Variants in CRADD observed in about 807,000 individuals in gnomAD.
CRADD encodes the protein CARD and death domain containing adaptor protein.
Under a neutral mutation model 15.5 loss-of-function variants are expected in CRADD, and 9 were observed. The ratio of observed to expected loss-of-function variants is 0.58; its 90% CI spans 0.35 to 1.01. CRADD has a LOEUF of 1.01. CRADD is among the 50% of genes least tolerant of loss of function. The pLI is 0.02. For missense variants in CRADD, 227 were observed against 250.3 expected (o/e 0.91, Z 0.63); for synonymous variants, 118 against 107.6 (o/e 1.10, Z -0.60).
chr12:93,878,218 A>G (rs1009732564), intron 2 of CRADD, among the ~76,000 whole-genome samples: 5 of 152,186 alleles, frequency 3.3e-5, no homozygotes. Flanking sequence ...CGAGTCTGCA[A>G]GAACCACAGT....
At chr12:93,875,495 G>A (rs528002520) in intron 2 of CRADD, among the ~76,000 whole-genome samples, 170 of 151,886 alleles carry the variant, frequency 1.1e-3, no homozygotes, top group Non-Finnish European at 1.9e-3. Flanking sequence ...TTTCCTTCCT[G>A]TCTTCCTTTA....
At position 93,678,801 on chromosome 12, in the gene CRADD, C is replaced by T. The variant is rs374150855; in HGVS notation, c.27C>T (p.Leu9=). 25 of 1,613,812 alleles carry T rather than the reference C, an allele frequency of 1.5e-5. No individual in the cohort carries two copies. Among genetic ancestry groups the T allele is most frequent in the Admixed American group, 1.2e-4 (7 of 60,002 alleles). ...TGGAGGCCAGAGACAAACAAGTACT[C>T]CGCTCACTTCGCCTGGAGCTGGGTG... MEARDKQV[L]RSLRLELGAE... is the part of the protein sequence containing the mutation. The change falls in exon 2 of 3, where the codon CTC becomes CTT. Residue 9 remains leucine (L), a synonymous_variant. Transcript: ENST00000332896.
chr12:93,720,938 T>C (rs1956250203), intron 2 of CRADD, among the ~76,000 whole-genome samples: 1 of 152,248 alleles, frequency 6.6e-6, no homozygotes, highest in Non-Finnish European at 1.5e-5. Context: ...TATAGTTGGA[T>C]ACCTACCATA....
intron 2 of CRADD, among the ~76,000 whole-genome samples, chr12:93,735,113 G>A (rs941360744): frequency 5.9e-5 from 9 of 152,210 alleles, no homozygotes; most frequent in South Asian, 4.2e-4. Context: ...CTAGCACTGG[G>A]CCTCCTGTAG....
intron 2 of CRADD, among the ~76,000 whole-genome samples, chr12:93,768,913 G>A (rs192592544): frequency 3.0e-4 from 45 of 152,124 alleles, no homozygotes; most frequent in East Asian, 1.9e-4. Flanking sequence ...TAAATGAAAT[G>A]TCTGTAGTTT....
chr12:93,738,678 G>A, intron 2 of CRADD: 1 of 473,136 alleles, frequency 2.1e-6, no homozygotes, highest in East Asian at 3.4e-5. Flanking sequence ...TCAACCTCCT[G>A]TTTTATTCTC....
At chr12:93,878,809 GT>G (rs1593058426) in intron 2 of CRADD, among the ~76,000 whole-genome samples, 1 of 152,124 alleles carries the variant, frequency 6.6e-6, no homozygotes, top group African/African-American at 2.4e-5. Context: ...ATTCAAGACT[GT>G]TTTTTCTATC....
intron 2 of CRADD, among the ~76,000 whole-genome samples, chr12:93,799,986 C>T (rs1957459425): frequency 1.3e-5 from 2 of 152,220 alleles, no homozygotes; most frequent in Admixed American, 6.5e-5. Context: ...ATTTGGGATA[C>T]ACTGTATTAG....
At chr12:93,781,609 C>A (rs1489966115) in intron 2 of CRADD, among the ~76,000 whole-genome samples, 2 of 152,210 alleles carry the variant, frequency 1.3e-5, no homozygotes, top group Non-Finnish European at 2.9e-5. Flanking sequence ...GTTAGTTATG[C>A]TCCTCCAATG....
At chr12:93,787,345 T>G (rs1957291578) in intron 2 of CRADD, among the ~76,000 whole-genome samples, 1 of 145,632 alleles carries the variant, frequency 6.9e-6, no homozygotes, top group South Asian at 2.1e-4. Flanking sequence ...TCACATCAAC[T>G]GATTGTAGAG....
At position 93,849,882 on chromosome 12, in the gene CRADD, C is replaced by G. The variant is rs1958189020; in HGVS notation, c.299-88C>G. The G allele has an allele frequency of 4.9e-6, 4 of 814,728 alleles. No individual in the cohort carries two copies. In the Admixed American group the frequency reaches 8.2e-5, roughly 17 times the overall value. The allele number at this position is 814,728 out of a possible 1,614,324, so 50.5% of individuals were successfully genotyped here. A position where few individuals can be genotyped will look rare whatever the true frequency, so the allele number is the denominator to read the frequency against. On this transcript the variant is annotated intron_variant, in intron 2 of 2. Transcript: ENST00000332896. ...TGGCTCTGCCATTTGGAAGCATTGCCTTCTTCTCCCCACGATTCTCATTTC... is the reference window on the plus strand; with the variant it reads ...TGGCTCTGCCATTTGGAAGCATTGCGTTCTTCTCCCCACGATTCTCATTTC...
chr12:93,868,686 G>GCACACACA (rs570970896), intron 2 of CRADD, among the ~76,000 whole-genome samples: 37 of 142,916 alleles, frequency 2.6e-4, no homozygotes, highest in African/African-American at 8.2e-4. Flanking sequence ...TCTCTCTCTT[G>GCACACACA]CACACACACA....
chr12:93,880,136 C>T (rs1340098814), intron 2 of CRADD, among the ~76,000 whole-genome samples: 1 of 152,156 alleles, frequency 6.6e-6, no homozygotes, highest in African/African-American at 2.4e-5. Flanking sequence ...AGCCTGCTAC[C>T]ATCCAGAAAT....
chr12:93,705,547 T>C (rs1335159022), intron 2 of CRADD, among the ~76,000 whole-genome samples: 4 of 152,208 alleles, frequency 2.6e-5, no homozygotes, highest in South Asian at 2.1e-4. Context: ...TGCATTAGCA[T>C]TGAGCAGGGT....
At chr12:93,843,955 C>T (rs1247967272) in intron 2 of CRADD, among the ~76,000 whole-genome samples, 1 of 152,130 alleles carries the variant, frequency 6.6e-6, no homozygotes, top group Non-Finnish European at 1.5e-5. Flanking sequence ...CTCCTGACCT[C>T]AAGTGATTCA....
At chr12:93,811,235 T>G (rs999199743) in intron 2 of CRADD, among the ~76,000 whole-genome samples, 1 of 152,252 alleles carries the variant, frequency 6.6e-6, no homozygotes, top group East Asian at 1.9e-4. Context: ...CATTGAGGCA[T>G]GACTACTTCT....
At chr12:93,810,420 G>A (rs1260504458) in intron 2 of CRADD, among the ~76,000 whole-genome samples, 8 of 151,782 alleles carry the variant, frequency 5.3e-5, no homozygotes, top group Non-Finnish European at 7.4e-5. Flanking sequence ...GCATGGTGGC[G>A]CATGCCTGTA....
chr12:93,692,548 T>C (rs903293143), intron 2 of CRADD, among the ~76,000 whole-genome samples: 2 of 152,076 alleles, frequency 1.3e-5, no homozygotes, highest in Non-Finnish European at 2.9e-5. Context: ...AGAAACTTTA[T>C]AGGCCAGGAG....
intron 2 of CRADD, among the ~76,000 whole-genome samples, chr12:93,752,730 G>A (rs1471210367): frequency 6.6e-6 from 1 of 152,168 alleles, no homozygotes; most frequent in East Asian, 1.9e-4. Flanking sequence ...ACATGGCAGG[G>A]GGGGCCTCAT....
Sources: allele counts gnomAD v4.1 joint callset (sites outside exome capture counted in the v4.1 genomes callset), GRCh38; gene constraint gnomAD v4.1.1; transcripts MANE v1.5; gene names NCBI Gene and HGNC (gene_info 2026-07-23, HGNC 2026-07-21).